Variants in SYCP2 observed in about 807,000 individuals in gnomAD.
The protein encoded by SYCP2 is synaptonemal complex protein 2, also known as synaptonemal complex lateral element protein.
A neutral mutation model predicts 211.3 loss-of-function variants in SYCP2; 55 were observed. The ratio of observed to expected loss-of-function variants is 0.26; its 90% CI spans 0.21 to 0.33. The LOEUF (loss-of-function observed/expected upper bound fraction) is 0.33. Ranked by LOEUF, SYCP2 falls within the 10% of genes least tolerant of loss-of-function variation. The probability of loss-of-function intolerance (pLI) is 1.00; values close to 1 mark genes in which losing one functional copy is unlikely to be tolerated. For synonymous variants in SYCP2, 570 were observed against 555.2 expected, an observed-to-expected ratio of 1.03 and a Z score of -0.37; for missense variants, 1,731 against 1,752.0, an observed-to-expected ratio of 0.99 and a Z score of 0.21.
At chr20:59,920,722 G>A (rs957338354) in intron 4 of SYCP2, among the ~76,000 whole-genome samples, 2 of 151,550 alleles carry the variant, frequency 1.3e-5, no homozygotes, top group Admixed American at 1.3e-4. Context: ...ATAAATCCAA[G>A]AAACTTTATA....
chr20:59,922,304 C>T (rs998776518), intron 3 of SYCP2, 86 bp downstream of exon 3: 18 of 1,211,926 alleles, frequency 1.5e-5, no homozygotes, highest in South Asian at 3.1e-5. Flanking sequence ...TTTATCATTG[C>T]TAAAAACATA....
At chr20:59,932,948 G>A (rs1053470985) in intron 1 of SYCP2, among the ~76,000 whole-genome samples, 11 of 152,084 alleles carry the variant, frequency 7.2e-5, no homozygotes, top group Non-Finnish European at 1.0e-4. Flanking sequence ...AACCGGCAGT[G>A]GCAACAACGA....
chr20:59,895,227 GAATT>G (rs1230014052), intron 20 of SYCP2, among the ~76,000 whole-genome samples: 2 of 152,012 alleles, frequency 1.3e-5, no homozygotes, highest in East Asian at 3.9e-4. Context: ...AAGTTATAGT[GAATT>G]AATATTCATA....
intron 15 of SYCP2, among the ~76,000 whole-genome samples, chr20:59,906,822 T>C (rs908871760): frequency 7.3e-5 from 11 of 151,548 alleles, no homozygotes; most frequent in African/African-American, 2.7e-4. Context: ...GATAGTCCAA[T>C]AAAAAATGAA....
chr20:59,926,335 A>G (rs1568989854), intron 2 of SYCP2, among the ~76,000 whole-genome samples: 3 of 152,066 alleles, frequency 2.0e-5, no homozygotes, highest in African/African-American at 7.2e-5. Context: ...AGGGGTCAGT[A>G]GGATCATACT....
At position 59,865,255 on chromosome 20, in the gene SYCP2, A is replaced by G. The variant is rs144960734; in HGVS notation, c.4515+133T>C. 2.1e-3 allele frequency: 1,406 copies of G among 673,146 alleles called. 3 individuals carry two copies. The highest frequency in any genetic ancestry group is 4.1e-3 in the Admixed American group (127 of 30,648). 41.7% of individuals were successfully genotyped at this position (673,146 alleles called of 1,614,324 possible). The stretch of plus-strand genomic sequence containing the variant: ...ATATGCTCCCATTATTTAAAGAACT[A>G]AAAGTAATTGGGCTAAAACTATTTT... On this transcript the variant is annotated intron_variant, in intron 44 of 44. Transcript: ENST00000357552.
chr20:59,913,708 TATTA>T lies in SYCP2; in HGVS notation c.830+263_830+266del, dbSNP rs1371514925. Reference sequence around the variant, plus strand: ...TAAGCCAATTTTGAACATCTAAAGTTATTAATTAATATGAATTAAACAGAAATGA... The same window carrying T: ...TAAGCCAATTTTGAACATCTAAAGTTATTAATATGAATTAAACAGAAATGA... On this transcript the variant is annotated intron_variant, in intron 12 of 44. Coordinates refer to ENST00000357552, the MANE Select transcript of SYCP2 (RefSeq NM_014258.4). 3.3e-5 allele frequency among the ~76,000 whole-genome samples: 5 copies of T among 152,118 alleles called. No individual in the cohort carries two copies. In the East Asian group the frequency reaches 7.7e-4, roughly 23 times the overall value.
rs371645096 is a variant in SYCP2 at position 59,897,955 on chromosome 20, T to A, written c.1405-1427A>T. Among the ~76,000 whole-genome samples, 6 of 152,066 alleles carry A rather than the reference T, an allele frequency of 3.9e-5. No individual in the cohort carries two copies. In the East Asian group the frequency reaches 7.7e-4, roughly 20 times the overall value. On this transcript the variant is annotated intron_variant, in intron 18 of 44. Coordinates refer to ENST00000357552, the MANE Select transcript of SYCP2 (RefSeq NM_014258.4). Reference sequence around the variant, plus strand: ...CAACAAACAAAAACAAAAACAAAAATTAGCCAGGTGTGGTGGCAGGTGCCT... The same window carrying A: ...CAACAAACAAAAACAAAAACAAAAAATAGCCAGGTGTGGTGGCAGGTGCCT...
intron 24 of SYCP2, among the ~76,000 whole-genome samples, chr20:59,887,550 C>G (rs2059816571): frequency 6.6e-6 from 1 of 152,036 alleles, no homozygotes; most frequent in Admixed American, 6.6e-5. Context: ...ATTTCTAGTT[C>G]TAGATCCTTG....
Position 59,883,348 on chromosome 20 carries a change from C to CCAAACAAA in SYCP2, c.2530-1191_2530-1184dup, listed in dbSNP as rs372545255. 3.8e-4 allele frequency among the ~76,000 whole-genome samples: 58 copies of CCAAACAAA among 151,876 alleles called. 2 individuals carry two copies. The highest frequency in any genetic ancestry group is 2.9e-3 in the South Asian group (14 of 4,800). ...TGGGGGACAGAGCAAGACTCTGTCT[C>CCAAACAAA]CAAACAAACAAACAAACAAACAAAC... On this transcript the variant is annotated intron_variant, in intron 26 of 44. Coordinates refer to ENST00000357552, the MANE Select transcript of SYCP2 (RefSeq NM_014258.4).
chr20:59,927,271 C>G (rs1018396693), intron 2 of SYCP2, among the ~76,000 whole-genome samples: 1 of 152,108 alleles, frequency 6.6e-6, no homozygotes, highest in East Asian at 1.9e-4. Context: ...AATCTTGCAA[C>G]CTTAATGTTC....
intron 25 of SYCP2, among the ~76,000 whole-genome samples, 198 bp from the exon 26 acceptor site, chr20:59,886,162 CATT>C (rs2145701576): frequency 6.6e-6 from 1 of 152,166 alleles, no homozygotes; most frequent in East Asian, 1.9e-4. Flanking sequence ...GAAGCTGAAT[CATT>C]AATGCAGCAG....
In SYCP2 at chr20:59,875,579, C is replaced by T. The variant is rs980303800; in HGVS notation, c.3151-110G>A. 7.7e-6 allele frequency: 6 copies of T among 776,590 alleles called. No individual in the cohort carries two copies. The African/African-American group carries it at 8.8e-5, about 11-fold the overall frequency. 48.1% of individuals were successfully genotyped at this position (776,590 alleles called of 1,614,324 possible). ...ATTAAATGTTGTATATTACCACATA[C>T]AGGCATAACAAGGACCTAGACATGA... On this transcript the variant is annotated intron_variant, in intron 33 of 44. Coordinates refer to ENST00000357552, the MANE Select transcript of SYCP2 (RefSeq NM_014258.4).
chr20:59,911,764 C>A lies in SYCP2; in HGVS notation c.958G>T (p.Ala320Ser), dbSNP rs760957169. The change falls in exon 14 of 45, where the codon GCT becomes TCT. Residue 320 changes from alanine (A) to serine (S), a missense_variant. Physicochemically the swap from Ala to Ser is moderately conservative, Grantham distance 99. This residue lies in a region of SYCP2 where 335 missense variants were observed against 378.8 expected (regional missense o/e 0.88). Coordinates refer to ENST00000357552, the MANE Select transcript of SYCP2 (RefSeq NM_014258.4). ...LGSQTLSFYI[A>S]GDNDDHQWEA... is the part of the protein sequence containing the mutation. ...ATTAAACTTACATCATTATCTCCAGCAATGTAGAATGAGAGAGTCTGACTC... is the reference window on the plus strand; with the variant it reads ...ATTAAACTTACATCATTATCTCCAGAAATGTAGAATGAGAGAGTCTGACTC... The A allele has an allele frequency of 6.4e-7, 1 of 1,560,848 alleles. No homozygotes were observed. The highest frequency in any genetic ancestry group is 8.7e-7 in the Non-Finnish European group (1 of 1,143,342).
intron 24 of SYCP2, among the ~76,000 whole-genome samples, chr20:59,891,312 TAAG>T: frequency 6.6e-6 from 1 of 152,106 alleles, no homozygotes; most frequent in Admixed American, 6.6e-5. Flanking sequence ...TTTTGATAGT[TAAG>T]AAAAAATGAT....
chr20:59,865,516 T>A (rs181959353), intron 43 of SYCP2, 57 bp downstream of exon 43: 2 of 1,573,738 alleles, frequency 1.3e-6, no homozygotes, highest in East Asian at 2.2e-5. Flanking sequence ...AAAGTTACAT[T>A]AACAAATTCT....
intron 44 of SYCP2, among the ~76,000 whole-genome samples, 167 bp from the exon 45 acceptor site, chr20:59,864,555 C>A (rs923004092): frequency 2.1e-4 from 32 of 151,932 alleles, no homozygotes; most frequent in African/African-American, 7.7e-4. Flanking sequence ...CCACAGAATT[C>A]TGTGATCATT....
intron 24 of SYCP2, among the ~76,000 whole-genome samples, chr20:59,887,150 C>A (rs545292150): frequency 1.4e-4 from 22 of 151,998 alleles, no homozygotes; most frequent in African/African-American, 2.7e-4. Context: ...ATCCCTCCCC[C>A]CTTCCCCTAC....
intron 15 of SYCP2, among the ~76,000 whole-genome samples, chr20:59,905,051 G>A (rs932580258): frequency 1.3e-5 from 2 of 152,120 alleles, no homozygotes; most frequent in Admixed American, 6.6e-5. Context: ...TACTAACATT[G>A]TACTGAAAAT....
Sources: allele counts gnomAD v4.1 joint callset (sites outside exome capture counted in the v4.1 genomes callset), GRCh38; gene constraint gnomAD v4.1.1; regional missense constraint gnomAD v4.1.1; transcripts MANE v1.5; gene names NCBI Gene and HGNC (gene_info 2026-07-23, HGNC 2026-07-21).